The following SLC41A3 variants were observed in gnomAD, a reference collection of about 807,000 sequenced individuals.
The protein encoded by SLC41A3 is SLC41A1-like 2.
SLC41A3 carries 44 observed loss-of-function variants against 45.4 expected under a neutral mutation model. That is an observed-to-expected ratio of 0.97 (90% CI 0.76 to 1.25). The LOEUF is 1.25. SLC41A3 is among the 50% of genes most tolerant of loss of function. The pLI, the probability that SLC41A3 is intolerant of heterozygous loss-of-function variation, is 0.00. For synonymous variants in SLC41A3, 256 were observed against 252.4 expected (o/e 1.01, Z -0.13); for missense variants, 550 against 600.6 (o/e 0.92, Z 0.88).
At position 126,066,911 on chromosome 3, in the gene SLC41A3, T is replaced by C. The variant is rs141294581; in HGVS notation, c.273+1036A>G. On this transcript the variant is annotated intron_variant, in intron 2 of 10. Coordinates refer to ENST00000360370, the MANE Select transcript of SLC41A3 (RefSeq NM_017836.4). ...ACCAAATTAATTACCCACAGGTGTG[T>C]TGACTCAAAGCCTTTGTCATTTAAT... 4.5e-3 allele frequency among the ~76,000 whole-genome samples: 682 copies of C among 152,306 alleles called. 6 individuals are homozygous for C. The highest frequency in any genetic ancestry group is 0.015 in the African/African-American group (614 of 41,560).
At chr3:126,057,152 T>A (rs1160707784) in intron 2 of SLC41A3, 1 of 985,148 alleles carries the variant, frequency 1.0e-6, no homozygotes, top group Non-Finnish European at 1.2e-6. Flanking sequence ...GGTCAAGCAG[T>A]CTATGGGTCC....
intron 3 of SLC41A3, among the ~76,000 whole-genome samples, chr3:126,043,004 C>T (rs1463306065): frequency 7.1e-6 from 1 of 140,776 alleles, no homozygotes; most frequent in Non-Finnish European, 1.5e-5. Flanking sequence ...CAAAAACTTC[C>T]CAAATTTGAA....
At chr3:126,047,156 A>G (rs1943020614) in intron 3 of SLC41A3, among the ~76,000 whole-genome samples, 1 of 152,094 alleles carries the variant, frequency 6.6e-6, no homozygotes, top group Non-Finnish European at 1.5e-5. Context: ...TGAGCTCAGG[A>G]GTTTGAGACC....
At chr3:126,014,282 C>A (rs905454) in intron 8 of SLC41A3, among the ~76,000 whole-genome samples, 1 of 151,796 alleles carries the variant, frequency 6.6e-6, no homozygotes, top group Non-Finnish European at 1.5e-5. Flanking sequence ...GAAAAAAAAA[C>A]CTCAAATTAA....
intron 3 of SLC41A3, among the ~76,000 whole-genome samples, chr3:126,035,753 C>G (rs976444422): frequency 6.6e-6 from 1 of 152,100 alleles, no homozygotes; most frequent in Non-Finnish European, 1.5e-5. Flanking sequence ...TTCTCTAGAA[C>G]AGAGCCAGAA....
At position 126,006,761 on chromosome 3, in the gene SLC41A3, T is replaced by A; in HGVS notation, c.*255A>T. 1 of 1,443,458 alleles carries A rather than the reference T, an allele frequency of 6.9e-7. No individual in the cohort carries two copies. Among genetic ancestry groups the A allele is most frequent in the South Asian group, 1.5e-5 (1 of 66,408 alleles). The allele number at this position is 1,443,458 out of a possible 1,614,324, so 89.4% of individuals were successfully genotyped here. ...CTCCTCTCCACAAACGTGTGCACAC[T>A]TGCACGCTCATTAAGCATGTGCACA... On this transcript the variant is annotated 3_prime_UTR_variant, in exon 11 of 11. Coordinates refer to ENST00000360370, the MANE Select transcript of SLC41A3 (RefSeq NM_017836.4).
chr3:126,074,680 GT>G lies in SLC41A3; in HGVS notation c.-27-6435del, dbSNP rs922179725. Among the ~76,000 whole-genome samples, 389 of 148,406 alleles carry G rather than the reference GT, an allele frequency of 2.6e-3. 3 individuals carry two copies. The highest frequency in any genetic ancestry group is 0.025 in the Middle Eastern group (7 of 284). ...TGGGTTTTTGGGTTGTTTGGTTGTT[GT>G]TTTTTTTTTGTTGTTTTGAGACAGG... On this transcript the variant is annotated intron_variant, in intron 1 of 10. Transcript: ENST00000360370.
intron 4 of SLC41A3, among the ~76,000 whole-genome samples, chr3:126,027,497 C>T (rs1239626921): frequency 1.3e-5 from 2 of 152,124 alleles, no homozygotes; most frequent in Non-Finnish European, 2.9e-5. Flanking sequence ...GCCAATTAAA[C>T]CTCTTTTGTT....
At chr3:126,093,882 A>T (rs1406276558) in intron 1 of SLC41A3, among the ~76,000 whole-genome samples, 23 of 152,176 alleles carry the variant, frequency 1.5e-4, no homozygotes, top group Admixed American at 1.5e-3. Flanking sequence ...AAATTTAAAG[A>T]TTTGGTAGAT....
intron 2 of SLC41A3, among the ~76,000 whole-genome samples, chr3:126,055,606 G>C (rs186464939): frequency 6.6e-6 from 1 of 152,356 alleles, no homozygotes; most frequent in East Asian, 1.9e-4. Flanking sequence ...CACAGCAGCG[G>C]TGATAGAGAT....
At chr3:126,031,586 A>C (rs1941800231) in intron 4 of SLC41A3, among the ~76,000 whole-genome samples, 1 of 152,232 alleles carries the variant, frequency 6.6e-6, no homozygotes, top group Non-Finnish European at 1.5e-5. Context: ...AACTTATTGC[A>C]CTGCTGATGA....
chr3:126,087,898 A>C (rs1225941082), upstream of SLC41A3, among the ~76,000 whole-genome samples: 2 of 152,116 alleles, frequency 1.3e-5, no homozygotes, highest in Non-Finnish European at 2.9e-5. Flanking sequence ...ACTAATACAA[A>C]ACTAAATAAT....
chr3:126,036,208 G>A (rs1401554949), intron 3 of SLC41A3, among the ~76,000 whole-genome samples: 2 of 152,292 alleles, frequency 1.3e-5, no homozygotes, highest in Non-Finnish European at 2.9e-5. Context: ...TCACTGACTC[G>A]GGGCGCCAGC....
chr3:126,062,242 C>T (rs559839844), intron 2 of SLC41A3, among the ~76,000 whole-genome samples: 6 of 152,326 alleles, frequency 3.9e-5, no homozygotes, highest in South Asian at 2.1e-4. Context: ...CATTCAGACC[C>T]CCACATCCAA....
At chr3:126,017,592 G>A (rs564063917) in intron 6 of SLC41A3, among the ~76,000 whole-genome samples, 7 of 152,330 alleles carry the variant, frequency 4.6e-5, no homozygotes, top group East Asian at 1.9e-4. Context: ...GTTGTGCTCC[G>A]TGTGAGGGTC....
At position 126,008,754 on chromosome 3, in the gene SLC41A3, T is replaced by C. The variant is rs1939396792; in HGVS notation, c.1232A>G (p.Tyr411Cys). ...TACCTGGATCAGGCCTGCCAGCAGG[T>C]AGAGCACCACAAAGGTCTGGCTGTT... ...VINSQTFVVLYLLAGLIQVTI... is the reference protein window; with the variant it reads ...VINSQTFVVLCLLAGLIQVTI... Residue 411 changes from tyrosine to cysteine, a missense_variant, in exon 10 of 11, where the codon TAC (tyrosine) becomes TGC (cysteine). Tyr to Cys is a radical substitution (Grantham distance 194). Transcript: ENST00000360370. 1.2e-6 allele frequency: 2 copies of C among 1,613,910 alleles called. No individual in the cohort carries two copies. The highest frequency in any genetic ancestry group is 8.5e-7 in the Non-Finnish European group (1 of 1,179,894).
intron 1 of SLC41A3, among the ~76,000 whole-genome samples, chr3:126,100,111 G>C (rs1945680073): frequency 6.6e-6 from 1 of 152,104 alleles, no homozygotes; most frequent in African/African-American, 2.4e-5. Flanking sequence ...GTTGATTTTG[G>C]AGGGGAGAAA....
chr3:126,007,432 G>A (rs1939217129), intron 10 of SLC41A3, among the ~76,000 whole-genome samples: 1 of 152,164 alleles, frequency 6.6e-6, no homozygotes, highest in Non-Finnish European at 1.5e-5. Flanking sequence ...TACTTACCTA[G>A]CCTCCCTCTA....
chr3:126,046,961 C>CAAAAAAAAAA (rs36095026), intron 3 of SLC41A3, among the ~76,000 whole-genome samples: 1 of 81,222 alleles, frequency 1.2e-5, no homozygotes, highest in Non-Finnish European at 2.6e-5. Context: ...AACTCCATCT[C>CAAAAAAAAAA]AAAAAAAAAA....
Sources: allele counts gnomAD v4.1 joint callset (sites outside exome capture counted in the v4.1 genomes callset), GRCh38; gene constraint gnomAD v4.1.1; transcripts MANE v1.5; gene names NCBI Gene and HGNC (gene_info 2026-07-23, HGNC 2026-07-21).